PDE4DIP: variants seen among roughly 807,000 people sequenced by gnomAD.
PDE4DIP encodes phosphodiesterase 4D interacting protein, also known as myomegalin.
A neutral mutation model predicts 221.4 loss-of-function variants in PDE4DIP; 59 were observed. The ratio of observed to expected loss-of-function variants is 0.27; its 90% confidence interval spans 0.22 to 0.33. The LOEUF is 0.33. Ranked by LOEUF, PDE4DIP falls within the 10% of genes least tolerant of loss-of-function variation. The pLI is 1.00. For synonymous variants in PDE4DIP, 404 were observed against 815.9 expected (o/e 0.50, Z 8.60); for missense variants, 1,036 against 2,154.2 (o/e 0.48, Z 10.28).
At chr1:149,011,360 A>G (rs1165993252) in intron 31 of PDE4DIP, among the ~76,000 whole-genome samples, 1 of 44,368 alleles carries the variant, frequency 2.3e-5, no homozygotes, top group African/African-American at 1.2e-4. Flanking sequence ...TTTCCCTGAA[A>G]GCAATTCAAC....
At chr1:148,941,483 G>C (rs1377587494) in intron 5 of PDE4DIP, among the ~76,000 whole-genome samples, 1 of 138,930 alleles carries the variant, frequency 7.2e-6, no homozygotes, top group Non-Finnish European at 1.5e-5. Context: ...AAAGCAAGGG[G>C]AATAAAAGCA....
At chr1:148,967,701 A>G (rs112177634) in intron 12 of PDE4DIP, 25 bp from the exon 16 acceptor site, 14 of 1,355,548 alleles carry the variant, frequency 1.0e-5, no homozygotes, top group African/African-American at 8.6e-5. Context: ...ATTTTGACTG[A>G]TTATTGCTCT....
intron 14 of PDE4DIP, among the ~76,000 whole-genome samples, chr1:148,969,993 A>G (rs1250665520): frequency 6.6e-6 from 1 of 152,206 alleles, no homozygotes; most frequent in East Asian, 1.9e-4. Context: ...GGCGTGAGCC[A>G]CCATGCCCTG....
At chr1:148,972,946 C>T (rs2059474896) in intron 16 of PDE4DIP, among the ~76,000 whole-genome samples, 1 of 122,382 alleles carries the variant, frequency 8.2e-6, no homozygotes, top group Non-Finnish European at 1.7e-5. Flanking sequence ...CTCACTGTAA[C>T]TTGACATCAC....
exon 8 of PDE4DIP, chr1:148,962,251 G>A (rs782617784): frequency 1.9e-5 from 27 of 1,389,432 alleles, no homozygotes; most frequent in Admixed American, 7.0e-5. Context: ...GCAAAGCTTC[G>A]AGAAATGCTG....
intron 17 of PDE4DIP, among the ~76,000 whole-genome samples, chr1:148,975,493 A>G (rs1344116429): frequency 6.6e-6 from 1 of 151,522 alleles, no homozygotes; most frequent in Non-Finnish European, 1.5e-5. Flanking sequence ...TGCCAGAGCT[A>G]TGATTCAAAC....
intron 1 of PDE4DIP, among the ~76,000 whole-genome samples, chr1:148,917,233 T>C (rs868922798): frequency 6.6e-6 from 1 of 151,874 alleles, no homozygotes; most frequent in South Asian, 2.1e-4. Context: ...AGAGTGACTA[T>C]AGGGAATGAA....
intron 4 of PDE4DIP, 106 bp from the exon 8 acceptor site, chr1:148,937,641 A>G: frequency 1.6e-6 from 1 of 619,482 alleles, no homozygotes; most frequent in South Asian, 2.0e-5. Context: ...CCAAAAGGAT[A>G]AAAACCTGCT....
At chr1:148,967,969 G>A in intron 13 of PDE4DIP, 64 bp downstream of exon 16, 1 of 905,872 alleles carries the variant, frequency 1.1e-6, no homozygotes, top group South Asian at 1.7e-5. Flanking sequence ...CCTTGGATTA[G>A]GACTCTTCAG....
chr1:148,923,908 A>G (rs587764650), intron 1 of PDE4DIP, among the ~76,000 whole-genome samples: 1 of 149,760 alleles, frequency 6.7e-6, no homozygotes, highest in Admixed American at 6.6e-5. Flanking sequence ...GAAGTAATTT[A>G]CACAAAAAAG....
chr1:148,948,102 A>G (rs1330361553), intron 5 of PDE4DIP, among the ~76,000 whole-genome samples: 1 of 139,208 alleles, frequency 7.2e-6, no homozygotes, highest in Non-Finnish European at 1.6e-5. Flanking sequence ...AAAGCCAGAT[A>G]TAAGTGACTT....
chr1:148,890,967 A>G (rs1291580751), intron 1 of PDE4DIP, among the ~76,000 whole-genome samples: 30 of 13,686 alleles, frequency 2.2e-3, no homozygotes, highest in Non-Finnish European at 2.8e-3. Flanking sequence ...TACCTCTCCT[A>G]GAGAAAGTGC....
At chr1:148,912,025 C>A (rs1553454807) in intron 1 of PDE4DIP, among the ~76,000 whole-genome samples, 1 of 146,524 alleles carries the variant, frequency 6.8e-6, no homozygotes, top group Admixed American at 6.8e-5. Flanking sequence ...AGGAGTTACA[C>A]AAGGGCACAA....
intron 5 of PDE4DIP, among the ~76,000 whole-genome samples, chr1:148,949,799 C>T (rs1179182451): frequency 6.6e-6 from 1 of 151,798 alleles, no homozygotes; most frequent in Non-Finnish European, 1.5e-5. Context: ...AGCTTATATC[C>T]ACTTTGAGAT....
chr1:148,987,254 T>C (rs2062074554), intron 21 of PDE4DIP, among the ~76,000 whole-genome samples: 1 of 152,132 alleles, frequency 6.6e-6, no homozygotes, highest in African/African-American at 2.4e-5. Context: ...TCAGAATCTG[T>C]CTAGATAGAG....
chr1:148,984,610 CTG>C (rs1553547416), intron 21 of PDE4DIP: 1 of 152,092 alleles, frequency 6.6e-6, no homozygotes, highest in Non-Finnish European at 1.5e-5. Context: ...GCTTCAAAAA[CTG>C]TTCAAGAAGA....
intron 30 of PDE4DIP, among the ~76,000 whole-genome samples, chr1:149,010,198 C>G (rs1165906615): frequency 2.6e-5 from 4 of 152,102 alleles, no homozygotes; most frequent in Admixed American, 1.3e-4. Flanking sequence ...CTAGTCTTGC[C>G]TGATATTTTT....
intron 5 of PDE4DIP, chr1:148,953,062 C>T (rs1426026566): frequency 1.5e-5 from 24 of 1,614,018 alleles, no homozygotes; most frequent in Non-Finnish European, 1.9e-5. Context: ...TCTGCATTGC[C>T]AGTATGTATC....
chr1:148,937,615 C>T, intron 4 of PDE4DIP, 132 bp from the exon 8 acceptor site: 1 of 590,594 alleles, frequency 1.7e-6, no homozygotes, highest in Non-Finnish European at 3.0e-6. Context: ...ACAAATGTGT[C>T]AAAAGGTTCA....
Sources: allele counts gnomAD v4.1 joint callset (sites outside exome capture counted in the v4.1 genomes callset), GRCh38; gene constraint gnomAD v4.1.1; transcripts MANE v1.5; gene names NCBI Gene and HGNC (gene_info 2026-07-23, HGNC 2026-07-21).